The following ACOXL variants were observed in gnomAD, a reference collection of about 807,000 sequenced individuals.
ACOXL encodes the protein acyl-CoA oxidase like.
ACOXL carries 70 observed loss-of-function variants against 71.9 expected under a neutral mutation model. The ratio of observed to expected loss-of-function variants is 0.97; its 90% CI spans 0.80 to 1.19. The LOEUF is 1.19. Ranked by LOEUF, ACOXL falls within the 50% of genes most tolerant of loss-of-function variation. The pLI is 0.00. For synonymous variants in ACOXL, 253 were observed against 281.6 expected, an observed-to-expected ratio of 0.90 and a Z score of 1.02; for missense variants, 703 against 736.3, an observed-to-expected ratio of 0.95 and a Z score of 0.52.
At chr2:110,738,887 A>G (rs111364574) in intron 1 of ACOXL, among the ~76,000 whole-genome samples, 5 of 151,980 alleles carry the variant, frequency 3.3e-5, no homozygotes, top group African/African-American at 4.8e-5. Flanking sequence ...CTCAACTTTT[A>G]TCTTCCAACT....
intron 15 of ACOXL, among the ~76,000 whole-genome samples, chr2:111,044,464 G>T (rs530231430): frequency 6.6e-6 from 1 of 152,264 alleles, no homozygotes; most frequent in Non-Finnish European, 1.5e-5. Flanking sequence ...CGCAGGGGCA[G>T]GGCCCCTATT....
intron 10 of ACOXL, among the ~76,000 whole-genome samples, chr2:110,889,145 C>T (rs1173482458): frequency 6.6e-6 from 1 of 152,166 alleles, no homozygotes; most frequent in Non-Finnish European, 1.5e-5. Context: ...TGCTATTTTG[C>T]ACTCAACTGT....
chr2:111,047,140 A>G (rs2066055478), intron 15 of ACOXL, among the ~76,000 whole-genome samples: 1 of 152,206 alleles, frequency 6.6e-6, no homozygotes, highest in African/African-American at 2.4e-5. Flanking sequence ...TCCCACAGAA[A>G]TGGGAAAAAG....
chr2:111,099,984 AC>A (rs2069033147), intron 17 of ACOXL: 1 of 152,310 alleles, frequency 6.6e-6, no homozygotes, highest in South Asian at 2.1e-4. Context: ...TTTATTTTAC[AC>A]CGTGCCTTGA....
At chr2:110,799,155 T>C (rs1685637837) in intron 7 of ACOXL, 55 bp downstream of exon 7, 1 of 1,534,310 alleles carries the variant, frequency 6.5e-7, no homozygotes, top group African/African-American at 1.4e-5. Context: ...GCTCCCCACC[T>C]GACTCAAGGA....
intron 10 of ACOXL, among the ~76,000 whole-genome samples, chr2:110,861,550 G>A (rs1233193116): frequency 6.6e-6 from 1 of 151,964 alleles, no homozygotes; most frequent in East Asian, 1.9e-4. Context: ...GACCTGGAAC[G>A]GAGAAACTCA....
At chr2:110,835,999 G>A (rs187595629) in intron 9 of ACOXL, among the ~76,000 whole-genome samples, 2 of 152,296 alleles carry the variant, frequency 1.3e-5, no homozygotes, top group African/African-American at 4.8e-5. Flanking sequence ...TCGGGGTTTG[G>A]CCACAAAGCT....
Position 110,794,176 on chromosome 2 carries a change from T to G in ACOXL, c.345+2T>G, listed in dbSNP as rs1685005058. 1 of 1,613,794 alleles carries G rather than the reference T, an allele frequency of 6.2e-7. No individual in the cohort carries two copies. The highest frequency in any genetic ancestry group is 1.1e-5 in the South Asian group (1 of 91,072). Reference sequence around the variant, plus strand: ...GCCACCTTTGACCTCTCTGCCCAGGTGAGGAATCCATCCTTCTCCTGCCGT... The same window carrying G: ...GCCACCTTTGACCTCTCTGCCCAGGGGAGGAATCCATCCTTCTCCTGCCGT... On this transcript the variant is annotated splice_donor_variant, in intron 5 of 17. Coordinates refer to ENST00000439055, the MANE Select transcript of ACOXL (RefSeq NM_001142807.4). LOFTEE classifies it high-confidence loss of function.
rs752427452 is a variant in ACOXL at position 111,072,781 on chromosome 2, A to G, written c.1441-20084A>G. On this transcript the variant is annotated intron_variant, in intron 16 of 17. Transcript: ENST00000439055. ...GCAGACACTGACAAATGCAAATATC[A>G]TCCACACCTGAGAACCACTGCTCTT... 3.3e-4 allele frequency among the ~76,000 whole-genome samples: 51 copies of G among 152,336 alleles called. 1 individual carries two copies. The highest frequency in any genetic ancestry group is 2.2e-3 in the Admixed American group (34 of 15,302).
At chr2:110,839,149 T>C (rs778844519) in intron 9 of ACOXL, among the ~76,000 whole-genome samples, 5 of 151,950 alleles carry the variant, frequency 3.3e-5, no homozygotes, top group Non-Finnish European at 5.9e-5. Flanking sequence ...TTTTTTCTTC[T>C]TGTCCCTCCC....
At chr2:110,940,985 T>C (rs2060848088) in intron 12 of ACOXL, among the ~76,000 whole-genome samples, 1 of 152,260 alleles carries the variant, frequency 6.6e-6, no homozygotes, top group South Asian at 2.1e-4. Context: ...TTTACCTTTG[T>C]GGTATAATCT....
At position 111,020,336 on chromosome 2, in the gene ACOXL, A is replaced by G. The variant is rs115854700; in HGVS notation, c.1282-11291A>G. Among the ~76,000 whole-genome samples, 633 of 152,294 alleles carry G rather than the reference A, an allele frequency of 4.2e-3. 9 individuals are homozygous for G. The highest frequency in any genetic ancestry group is 0.015 in the African/African-American group (609 of 41,556). ...GCAGCGCTCGCATGGCAGCATGTCAAAAGTTTCTGTGGTGGACATGCCGGC... is the reference window on the plus strand; with the variant it reads ...GCAGCGCTCGCATGGCAGCATGTCAGAAGTTTCTGTGGTGGACATGCCGGC... On this transcript the variant is annotated intron_variant, in intron 14 of 17. Coordinates refer to ENST00000439055, the MANE Select transcript of ACOXL (RefSeq NM_001142807.4).
At chr2:111,096,596 A>C (rs1477951699) in intron 17 of ACOXL, among the ~76,000 whole-genome samples, 1 of 152,036 alleles carries the variant, frequency 6.6e-6, no homozygotes, top group Admixed American at 6.6e-5. Flanking sequence ...ATTGTATTTT[A>C]TTTTTTATAC....
At chr2:111,109,073 G>T (rs2069759757) in intron 17 of ACOXL, among the ~76,000 whole-genome samples, 1 of 152,144 alleles carries the variant, frequency 6.6e-6, no homozygotes, top group African/African-American at 2.4e-5. Flanking sequence ...AACTGGCCTT[G>T]TTACCTCCAG....
chr2:111,118,012 G>A lies in ACOXL; in HGVS notation c.*196G>A. 1 of 659,496 alleles carries A rather than the reference G, an allele frequency of 1.5e-6. No homozygotes were observed. The highest frequency in any genetic ancestry group is 2.8e-5 in the East Asian group (1 of 36,204). 40.9% of individuals were successfully genotyped at this position (659,496 alleles called of 1,614,324 possible). Reference sequence around the variant, plus strand: ...TGCTAGGAAAGAGATCCAGACGGTCGCCTGGTGCGCTGGATCCCTGTGCCC... The same window carrying A: ...TGCTAGGAAAGAGATCCAGACGGTCACCTGGTGCGCTGGATCCCTGTGCCC... On this transcript the variant is annotated 3_prime_UTR_variant, in exon 18 of 18. Coordinates refer to ENST00000439055, the MANE Select transcript of ACOXL (RefSeq NM_001142807.4).
chr2:111,044,822 G>A (rs962507398), intron 15 of ACOXL, among the ~76,000 whole-genome samples: 4 of 152,082 alleles, frequency 2.6e-5, no homozygotes, highest in Admixed American at 6.5e-5. Flanking sequence ...ATTTACTGCC[G>A]ACCATTGCAG....
intron 9 of ACOXL, among the ~76,000 whole-genome samples, chr2:110,839,100 C>G (rs979797212): frequency 8.5e-5 from 13 of 152,226 alleles, no homozygotes; most frequent in African/African-American, 2.6e-4. Flanking sequence ...CCCCCTTTAA[C>G]CAGCACAGCT....
intron 2 of ACOXL, among the ~76,000 whole-genome samples, chr2:110,775,482 C>T (rs1470585081): frequency 6.6e-6 from 1 of 152,024 alleles, no homozygotes; most frequent in African/African-American, 2.4e-5. Flanking sequence ...AAAATATTTG[C>T]ATGTTATATG....
chr2:111,009,782 T>C (rs2064057387), intron 14 of ACOXL, among the ~76,000 whole-genome samples: 2 of 152,180 alleles, frequency 1.3e-5, no homozygotes, highest in South Asian at 2.1e-4. Flanking sequence ...TCAGAATTTT[T>C]AGTCTGAATC....
Sources: gnomAD v4.1 joint callset for allele counts (sites outside exome capture counted in the v4.1 genomes callset) on GRCh38, gnomAD v4.1.1 for gene constraint, MANE v1.5 for transcripts, NCBI Gene and HGNC (gene_info 2026-07-23, HGNC 2026-07-21) for gene names.